Variants in DNAJC15 observed in about 807,000 individuals in gnomAD.
DNAJC15 encodes the protein DnaJ heat shock protein family (Hsp40) member C15, also known as dnaJ homolog subfamily C member 15.
A neutral mutation model predicts 22.4 loss-of-function variants in DNAJC15; 27 were observed. That is an observed-to-expected ratio of 1.20 (90% CI 0.89 to 1.66). DNAJC15 has a LOEUF of 1.66. Among genes scored for constraint, DNAJC15 ranks in the 40% most tolerant of loss-of-function variants. The pLI is 0.00. For missense variants in DNAJC15, 208 were observed against 187.1 expected, an observed-to-expected ratio of 1.11 and a Z score of -0.65; for synonymous variants, 79 against 63.2, an observed-to-expected ratio of 1.25 and a Z score of -1.19.
chr13:43,095,199 A>G (rs562761592), intron 5 of DNAJC15, among the ~76,000 whole-genome samples: 1 of 152,282 alleles, frequency 6.6e-6, no homozygotes, highest in South Asian at 2.1e-4. Context: ...AATAATGATG[A>G]CCTAGCTTAG....
chr13:43,059,399 G>T (rs948444511), intron 1 of DNAJC15, among the ~76,000 whole-genome samples: 1 of 152,074 alleles, frequency 6.6e-6, no homozygotes, highest in Non-Finnish European at 1.5e-5. Context: ...TGGAGACGGA[G>T]TTTTGCTCTT....
At chr13:43,104,599 G>A (rs1312282776) in intron 5 of DNAJC15, among the ~76,000 whole-genome samples, 1 of 151,986 alleles carries the variant, frequency 6.6e-6, no homozygotes. Context: ...GAAGGTGAGT[G>A]TTCTAATTAA....
At chr13:43,029,787 C>T (rs1362412764) in intron 1 of DNAJC15, among the ~76,000 whole-genome samples, 1 of 151,956 alleles carries the variant, frequency 6.6e-6, no homozygotes, top group Non-Finnish European at 1.5e-5. Flanking sequence ...GCCTTTTTAA[C>T]TAAAATTAGA....
chr13:43,023,835 T>G, intron 1 of DNAJC15, 101 bp downstream of exon 1: 6 of 1,115,654 alleles, frequency 5.4e-6, no homozygotes, highest in Non-Finnish European at 7.7e-6. Flanking sequence ...CTCCCCCGCA[T>G]TCGCTCACGG....
At chr13:43,042,236 A>G (rs1593311845) in intron 1 of DNAJC15, among the ~76,000 whole-genome samples, 2 of 152,230 alleles carry the variant, frequency 1.3e-5, no homozygotes, top group Non-Finnish European at 2.9e-5. Flanking sequence ...AATTAGGTAC[A>G]GTAAGACATT....
chr13:43,064,404 T>C (rs938446250), intron 1 of DNAJC15, among the ~76,000 whole-genome samples: 4 of 152,202 alleles, frequency 2.6e-5, no homozygotes, highest in Non-Finnish European at 5.9e-5. Context: ...CTCCCTTTAG[T>C]CTCAGCCTCC....
At position 43,034,558 on chromosome 13, in the gene DNAJC15, G is replaced by A. The variant is rs536043250; in HGVS notation, c.108+10824G>A. On this transcript the variant is annotated intron_variant, in intron 1 of 5. Coordinates refer to ENST00000379221, the MANE Select transcript of DNAJC15 (RefSeq NM_013238.3). ...TCTTGTTCTCCTGACCTAGTGATCC[G>A]CCCGCCTCGGCCTCCCAAAGTGCTA... Among the ~76,000 whole-genome samples, 66 of 151,626 alleles carry A rather than the reference G, an allele frequency of 4.4e-4. 1 individual carries two copies. The East Asian group carries it at 4.5e-3, about 10-fold the overall frequency.
chr13:43,043,161 C>A (rs2040461464), intron 1 of DNAJC15, among the ~76,000 whole-genome samples: 1 of 152,142 alleles, frequency 6.6e-6, no homozygotes, highest in Non-Finnish European at 1.5e-5. Context: ...GGCCGGAGTC[C>A]AGTGGTATGA....
chr13:43,049,389 A>G (rs1287070656), intron 1 of DNAJC15, among the ~76,000 whole-genome samples: 1 of 152,260 alleles, frequency 6.6e-6, no homozygotes, highest in Non-Finnish European at 1.5e-5. Context: ...GGTGTTGTGC[A>G]TATAAAAGAA....
chr13:43,052,924 G>T (rs2040512368), intron 1 of DNAJC15, among the ~76,000 whole-genome samples: 1 of 152,160 alleles, frequency 6.6e-6, no homozygotes, highest in East Asian at 1.9e-4. Flanking sequence ...ATTAGTTTTT[G>T]TTGCATTTGC....
At chr13:43,057,815 C>T (rs543052279) in intron 1 of DNAJC15, among the ~76,000 whole-genome samples, 7 of 152,324 alleles carry the variant, frequency 4.6e-5, no homozygotes, top group African/African-American at 1.7e-4. Context: ...TGCACTCCCC[C>T]TTCCTCTAGG....
At chr13:43,080,694 G>A (rs1490945694) in intron 4 of DNAJC15, among the ~76,000 whole-genome samples, 4 of 152,196 alleles carry the variant, frequency 2.6e-5, no homozygotes, top group Non-Finnish European at 5.9e-5. Context: ...TGAATTGAGA[G>A]TAATAATATT....
chr13:43,064,644 A>G (rs192028179), intron 1 of DNAJC15, among the ~76,000 whole-genome samples: 1 of 152,256 alleles, frequency 6.6e-6, no homozygotes, highest in East Asian at 1.9e-4. Context: ...TGGAACTTTT[A>G]TTTTTATCCC....
chr13:43,046,541 A>G (rs566784171), intron 1 of DNAJC15, among the ~76,000 whole-genome samples: 3 of 152,142 alleles, frequency 2.0e-5, no homozygotes, highest in Non-Finnish European at 2.9e-5. Context: ...GGGCTCACTA[A>G]AATACAAATT....
chr13:43,038,785 CTG>C (rs1362329808), intron 1 of DNAJC15, among the ~76,000 whole-genome samples: 1 of 139,904 alleles, frequency 7.1e-6, no homozygotes, highest in East Asian at 2.1e-4. Flanking sequence ...AAGCGAGACT[CTG>C]TCTCAAAAAA....
At chr13:43,064,924 C>G (rs1392214176) in intron 1 of DNAJC15, among the ~76,000 whole-genome samples, 1 of 148,580 alleles carries the variant, frequency 6.7e-6, no homozygotes, top group African/African-American at 2.5e-5. Flanking sequence ...CTAAGGGAGG[C>G]TTGGAAAAAT....
Position 43,107,444 on chromosome 13 carries a change from T to C in DNAJC15, c.*196T>C, listed in dbSNP as rs1051712388. ...TTATCTTTTAAAGATCTCCTTAAAT[T>C]CTATAACTGATCTTTTTTCTTATTT... On this transcript the variant is annotated 3_prime_UTR_variant, in exon 6 of 6. Coordinates refer to ENST00000379221, the MANE Select transcript of DNAJC15 (RefSeq NM_013238.3). The C allele has an allele frequency of 1.6e-5, 6 of 381,680 alleles. No homozygotes were observed. The Admixed American group carries it at 2.8e-4, about 18-fold the overall frequency. 23.6% of individuals were successfully genotyped at this position (381,680 alleles called of 1,614,324 possible). A position where few individuals can be genotyped will look rare whatever the true frequency, so the allele number is the denominator to read the frequency against.
intron 1 of DNAJC15, among the ~76,000 whole-genome samples, chr13:43,049,313 A>C (rs1326682162): frequency 6.6e-6 from 1 of 152,218 alleles, no homozygotes; most frequent in African/African-American, 2.4e-5. Flanking sequence ...TTAAAGCATC[A>C]TTGTTTAAAA....
chr13:43,073,517 T>C (rs950445169), intron 3 of DNAJC15, among the ~76,000 whole-genome samples: 7 of 152,238 alleles, frequency 4.6e-5, no homozygotes, highest in African/African-American at 1.7e-4. Flanking sequence ...TTATGCTCTA[T>C]ATGAGTAGAG....
Sources: allele counts gnomAD v4.1 joint callset (sites outside exome capture counted in the v4.1 genomes callset), GRCh38; gene constraint gnomAD v4.1.1; transcripts MANE v1.5; gene names NCBI Gene and HGNC (gene_info 2026-07-23, HGNC 2026-07-21).